The following STC1 variants were observed in gnomAD, a reference collection of about 807,000 sequenced individuals.
The protein encoded by STC1 is stanniocalcin-1.
A neutral mutation model predicts 22.6 loss-of-function variants in STC1; 7 were observed. The observed-to-expected ratio is 0.31, with a 90% CI of 0.18 to 0.58. The LOEUF (loss-of-function observed/expected upper bound fraction) is 0.58, where lower values mean the gene tolerates loss of function less well. STC1 is among the 20% of genes least tolerant of loss of function. STC1 has a pLI of 0.89. For synonymous variants in STC1, 113 were observed against 120.7 expected (o/e 0.94, Z 0.42); for missense variants, 224 against 311.0 (o/e 0.72, Z 2.10).
chr8:23,846,170 C>A (rs572686122), intron 3 of STC1, among the ~76,000 whole-genome samples: 72 of 152,282 alleles, frequency 4.7e-4, no homozygotes, highest in African/African-American at 1.7e-3. Flanking sequence ...TGTTTGGTAT[C>A]AGTTACCTTC....
At position 23,845,876 on chromosome 8, in the gene STC1, A is replaced by G. The variant is rs955149165; in HGVS notation, c.474-836T>C. Among the ~76,000 whole-genome samples the G allele has an allele frequency of 1.1e-4, 16 of 152,106 alleles. 1 individual carries two copies. Among genetic ancestry groups the G allele is most frequent in the Non-Finnish European group, 7.4e-5 (5 of 68,014 alleles). ...TAACCTCTTCCCTTTTTGGATATTT[A>G]TAGATCTTTGTTTGCCATCACATAG... On this transcript the variant is annotated intron_variant, in intron 3 of 3. Coordinates refer to ENST00000290271, the MANE Select transcript of STC1 (RefSeq NM_003155.3).
rs1187210377 is a variant in STC1, at chr8:23,842,047, T to G, written c.*2723A>C. The G allele has an allele frequency of 6.6e-6, 1 of 152,654 alleles. No homozygotes were observed. Among genetic ancestry groups the G allele is most frequent in the African/African-American group, 2.4e-5 (1 of 41,446 alleles). 9.5% of individuals were successfully genotyped at this position (152,654 alleles called of 1,614,324 possible). On this transcript the variant is annotated 3_prime_UTR_variant, in exon 4 of 4. Coordinates refer to ENST00000290271, the MANE Select transcript of STC1 (RefSeq NM_003155.3). ...AAATAAAATAACTTGCATCTGTCAT[T>G]ACCATGATATGTTTCATAACCTTTA...
At position 23,843,075 on chromosome 8, in the gene STC1, G is replaced by A. The variant is rs1386592114; in HGVS notation, c.*1695C>T. The A allele has an allele frequency of 6.6e-6, 1 of 152,642 alleles. No individual in the cohort carries two copies. Among genetic ancestry groups the A allele is most frequent in the Admixed American group, 6.5e-5 (1 of 15,282 alleles). The allele number at this position is 152,642 out of a possible 1,614,324, so 9.5% of individuals were successfully genotyped here. A position where few individuals can be genotyped will look rare whatever the true frequency, so the allele number is the denominator to read the frequency against. ...GCACCAATAGTTTCTACCTAAGCGA[G>A]TTTGGAGTGGCCCCTGCAGTCCTAC... On this transcript the variant is annotated 3_prime_UTR_variant, in exon 4 of 4. Transcript: ENST00000290271.
chr8:23,854,720 T>TGCCGCCGCTGCTGCTGCTGCC lies in STC1; in HGVS notation c.-198_-197insGGCAGCAGCAGCAGCGGCGGC, dbSNP rs1802680267. 1.5e-6 allele frequency: 1 copy of TGCCGCCGCTGCTGCTGCTGCC among 662,586 alleles called. No homozygotes were observed. Among genetic ancestry groups the TGCCGCCGCTGCTGCTGCTGCC allele is most frequent in the Non-Finnish European group, 2.8e-6 (1 of 359,538 alleles). The allele number at this position is 662,586 out of a possible 1,614,324, so 41.0% of individuals were successfully genotyped here. On this transcript the variant is annotated 5_prime_UTR_variant, in exon 1 of 4. Coordinates refer to ENST00000290271, the MANE Select transcript of STC1 (RefSeq NM_003155.3). ...CCGGTGCCTCCGCTGCTGCTGCTGC[T>TGCCGCCGCTGCTGCTGCTGCC]GCCGCCGCTGCTGCTGCTGCTGCCA...
intron 3 of STC1, among the ~76,000 whole-genome samples, chr8:23,848,310 T>C (rs1160733736): frequency 2.6e-5 from 4 of 152,128 alleles, no homozygotes; most frequent in South Asian, 2.1e-4. Context: ...GATGGGTGGA[T>C]CACCTGAGGT....
intron 3 of STC1, among the ~76,000 whole-genome samples, chr8:23,847,189 C>G (rs1454097724): frequency 6.6e-6 from 1 of 152,226 alleles, no homozygotes; most frequent in Non-Finnish European, 1.5e-5. Flanking sequence ...GACTTGAAAG[C>G]TCTTGTCTGG....
At chr8:23,852,014 C>A (rs541925178) in intron 2 of STC1, among the ~76,000 whole-genome samples, 22 of 152,004 alleles carry the variant, frequency 1.4e-4, no homozygotes, top group African/African-American at 5.3e-4. Flanking sequence ...GTGAGTGGGG[C>A]GTGTCTTATA....
intron 3 of STC1, 80 bp downstream of exon 3, chr8:23,851,240 C>A: frequency 1.6e-5 from 22 of 1,379,338 alleles, no homozygotes; most frequent in Non-Finnish European, 2.1e-5. Context: ...GGCAATTTAA[C>A]CCTCCCTCCC....
At chr8:23,847,241 G>A (rs1486380293) in intron 3 of STC1, among the ~76,000 whole-genome samples, 1 of 152,150 alleles carries the variant, frequency 6.6e-6, no homozygotes, top group East Asian at 1.9e-4. Context: ...AGCTTCTGCA[G>A]CCAGCTTTGC....
At position 23,845,001 on chromosome 8, in the gene STC1, A is replaced by G; in HGVS notation, c.513T>C (p.Asp171=). 6.2e-7 allele frequency: 1 copy of G among 1,614,150 alleles called. No homozygotes were observed. The change falls in exon 4 of 4, where the codon GAT becomes GAC. Residue 171 remains aspartate, a synonymous_variant. Transcript: ENST00000290271. ...CTCTGATTGTGCTGACTGTGTCTTC[A>G]TCACATTCCAGCAGGCTTCGGACAA... is the stretch of plus-strand genomic sequence containing the variant. ...NRLVRSLLEC[D]EDTVSTIRDS...
chr8:23,846,869 C>T (rs1273950719), intron 3 of STC1, among the ~76,000 whole-genome samples: 1 of 152,174 alleles, frequency 6.6e-6, no homozygotes, highest in Non-Finnish European at 1.5e-5. Flanking sequence ...TTTGGAGAAA[C>T]ATAGAATAAA....
chr8:23,845,472 A>G (rs189006162), intron 3 of STC1, among the ~76,000 whole-genome samples: 182 of 152,174 alleles, frequency 1.2e-3, no homozygotes, highest in African/African-American at 3.6e-3. Context: ...CATCACTGAG[A>G]TTAGTAGCCA....
chr8:23,851,511 C>T lies in STC1; in HGVS notation c.282G>A (p.Glu94=). The change falls in exon 3 of 4, where the codon GAG becomes GAA. Residue 94 remains glutamate (E), a synonymous_variant. Transcript: ENST00000290271. ...CCCCGTTGGCGATGCATTTTAAGCT[C>T]TCTTTGACGAATGCTTTTCCCTGCC... ...FDTQGKAFVK[E]SLKCIANGVT... is the part of the protein sequence containing the mutation. The T allele has an allele frequency of 6.2e-7, 1 of 1,614,130 alleles. No homozygotes were observed. Among genetic ancestry groups the T allele is most frequent in the South Asian group, 1.1e-5 (1 of 91,070 alleles).
At position 23,844,864 on chromosome 8, in the gene STC1, T is replaced by TTGGTGCGTCTCCTGTTGAAGTCAGCTCG. The variant is rs1585304765; in HGVS notation, c.622_649dup (p.Asn217ThrfsTer3). 1 of 1,614,090 alleles carries TTGGTGCGTCTCCTGTTGAAGTCAGCTCG rather than the reference T, an allele frequency of 6.2e-7. No homozygotes were observed. Among genetic ancestry groups the TTGGTGCGTCTCCTGTTGAAGTCAGCTCG allele is most frequent in the African/African-American group, 1.3e-5 (1 of 75,008 alleles). ...GAGGACTTTCAGCTTCTGCGGCTCATTGGTGCGTCTCCTGTTGAAGTCAGC... is the reference window on the plus strand; with the variant it reads ...GAGGACTTTCAGCTTCTGCGGCTCATTGGTGCGTCTCCTGTTGAAGTCAGCTCGTGGTGCGTCTCCTGTTGAAGTCAGC... On this transcript the variant is annotated stop_gained and frameshift_variant, in exon 4 of 4. Transcript: ENST00000290271. LOFTEE classifies it high-confidence loss of function.
chr8:23,854,627 G>C lies in STC1; in HGVS notation c.-104C>G, dbSNP rs1802677487. ...GTGAAGATGTGGATCTGGATACACT[G>C]AAAGCTTAGGTGAGGATTTGATGAG... On this transcript the variant is annotated 5_prime_UTR_variant, in exon 1 of 4. Coordinates refer to ENST00000290271, the MANE Select transcript of STC1 (RefSeq NM_003155.3). The C allele has an allele frequency of 4.0e-6, 4 of 990,284 alleles. No homozygotes were observed. Among genetic ancestry groups the C allele is most frequent in the Non-Finnish European group, 6.5e-6 (4 of 617,770 alleles). The allele number at this position is 990,284 out of a possible 1,614,324, so 61.3% of individuals were successfully genotyped here.
rs1802681140 is a variant in STC1 at position 23,854,729 on chromosome 8, T to TGCTGCTGCTGCTGCCGCCGCC, written c.-207_-206insGGCGGCGGCAGCAGCAGCAGC. On this transcript the variant is annotated 5_prime_UTR_variant, in exon 1 of 4. Coordinates refer to ENST00000290271, the MANE Select transcript of STC1 (RefSeq NM_003155.3). ...CCGCTGCTGCTGCTGCTGCCGCCGCTGCTGCTGCTGCTGCCACCGCCGCTG... is the reference window on the plus strand; with the variant it reads ...CCGCTGCTGCTGCTGCTGCCGCCGCTGCTGCTGCTGCTGCCGCCGCCGCTGCTGCTGCTGCCACCGCCGCTG... 1.2e-5 allele frequency: 7 copies of TGCTGCTGCTGCTGCCGCCGCC among 572,104 alleles called. 1 individual carries two copies. The highest frequency in any genetic ancestry group is 7.2e-5 in the Admixed American group (3 of 41,460). The allele number at this position is 572,104 out of a possible 1,614,324, so 35.4% of individuals were successfully genotyped here.
chr8:23,851,751 A>G (rs1185256149), intron 2 of STC1, among the ~76,000 whole-genome samples: 2 of 152,008 alleles, frequency 1.3e-5, no homozygotes, highest in East Asian at 3.9e-4. Context: ...CTCTACCGAA[A>G]TGAAATTACA....
chr8:23,854,726 C>CGCCGCTGCTGCT lies in STC1; in HGVS notation c.-204_-203insAGCAGCAGCGGC, dbSNP rs1802680786. On this transcript the variant is annotated 5_prime_UTR_variant, in exon 1 of 4. Coordinates refer to ENST00000290271, the MANE Select transcript of STC1 (RefSeq NM_003155.3). ...CCTCCGCTGCTGCTGCTGCTGCCGC[C>CGCCGCTGCTGCT]GCTGCTGCTGCTGCTGCCACCGCCG... The CGCCGCTGCTGCT allele has an allele frequency of 1.5e-6, 1 of 656,764 alleles. No individual in the cohort carries two copies. The highest frequency in any genetic ancestry group is 2.8e-6 in the Non-Finnish European group (1 of 355,204). 40.7% of individuals were successfully genotyped at this position (656,764 alleles called of 1,614,324 possible). A position where few individuals can be genotyped will look rare whatever the true frequency, so the allele number is the denominator to read the frequency against.
chr8:23,845,116 T>C (rs1585304956), intron 3 of STC1, 76 bp from the exon 4 acceptor site: 1 of 1,504,468 alleles, frequency 6.6e-7, no homozygotes, highest in East Asian at 2.3e-5. Context: ...ACCCGGGCTC[T>C]AGCCAACACG....
Sources: allele counts gnomAD v4.1 joint callset (sites outside exome capture counted in the v4.1 genomes callset), GRCh38; gene constraint gnomAD v4.1.1; transcripts MANE v1.5; gene names NCBI Gene and HGNC (gene_info 2026-07-23, HGNC 2026-07-21).